The following ACAD11 variants were observed in gnomAD, a reference collection of about 807,000 sequenced individuals.
ACAD11 encodes acyl-CoA dehydrogenase family member 11, also known as acyl-Coenzyme A dehydrogenase family, member 11.
In ACAD11, 83 loss-of-function variants were observed where a neutral mutation model predicts 102.2. The ratio of observed to expected loss-of-function variants is 0.81; its 90% confidence interval spans 0.68 to 0.97. The LOEUF is 0.97. Ranked by LOEUF, ACAD11 falls within the 50% of genes least tolerant of loss-of-function variation. The pLI is 0.00. For missense variants in ACAD11, 901 were observed against 951.7 expected (o/e 0.95, Z 0.70); for synonymous variants, 324 against 319.8 (o/e 1.01, Z -0.14).
chr3:132,611,149 A>G (rs1309138264), intron 11 of ACAD11, among the ~76,000 whole-genome samples: 1 of 152,184 alleles, frequency 6.6e-6, no homozygotes. Flanking sequence ...GAGATGCAGA[A>G]AAGGCTTTAG....
intron 12 of ACAD11, among the ~76,000 whole-genome samples, chr3:132,604,774 G>A (rs2107827246): frequency 6.6e-6 from 1 of 152,172 alleles, no homozygotes; most frequent in Non-Finnish European, 1.5e-5. Context: ...TCATACATAA[G>A]GGCAAAGAAG....
At chr3:132,628,535 C>T (rs1225738460) in intron 7 of ACAD11, 89 bp from the exon 8 acceptor site, 3 of 866,428 alleles carry the variant, frequency 3.5e-6, no homozygotes, top group Non-Finnish European at 5.4e-6. Flanking sequence ...TTATATGTGA[C>T]ATTATACTCA....
rs78134968 is a variant in ACAD11, at chr3:132,561,129, G to T, written c.2090C>A (p.Thr697Asn). The T allele has an allele frequency of 1.9e-6, 3 of 1,613,426 alleles. No homozygotes were observed. Among genetic ancestry groups the T allele is most frequent in the Middle Eastern group, 1.7e-4 (1 of 6,044 alleles). ...LTLKAAHSMDTLGSAGAKKEI... is the reference protein window; with the variant it reads ...LTLKAAHSMDNLGSAGAKKEI... ...TTTCTTAGCGCCAGCACTGCCCAGAGTGTCCATGCTGTGAGCAGCTTTCAG... is the reference window on the plus strand; with the variant it reads ...TTTCTTAGCGCCAGCACTGCCCAGATTGTCCATGCTGTGAGCAGCTTTCAG... Residue 697 changes from threonine to asparagine, a missense_variant, in exon 18 of 20, where the codon ACT becomes AAT. By Grantham distance (65) the Thr-to-Asn change is moderately conservative. Transcript: ENST00000264990.
intron 13 of ACAD11, among the ~76,000 whole-genome samples, chr3:132,588,789 A>G (rs1937957507): frequency 6.6e-6 from 1 of 152,112 alleles, no homozygotes; most frequent in Non-Finnish European, 1.5e-5. Context: ...CTTCACAGTA[A>G]CTCTATTTGG....
chr3:132,607,795 A>G (rs1938914635), intron 11 of ACAD11, among the ~76,000 whole-genome samples: 1 of 152,190 alleles, frequency 6.6e-6, no homozygotes, highest in African/African-American at 2.4e-5. Flanking sequence ...ATACTCCTCA[A>G]GAAGAGCAAC....
chr3:132,659,278 A>G (rs1406275577), intron 1 of ACAD11, among the ~76,000 whole-genome samples: 1 of 152,256 alleles, frequency 6.6e-6, no homozygotes, highest in East Asian at 1.9e-4. Context: ...GCTGTATCAC[A>G]AAAGAAGGCA....
chr3:132,656,849 G>T (rs899645957), intron 1 of ACAD11, among the ~76,000 whole-genome samples: 78 of 143,996 alleles, frequency 5.4e-4, no homozygotes, highest in Non-Finnish European at 9.8e-4. Flanking sequence ...TCATTGTGTT[G>T]TTTTTTTTTT....
chr3:132,649,656 C>T (rs1940857443), intron 1 of ACAD11: 1 of 152,192 alleles, frequency 6.6e-6, no homozygotes, highest in South Asian at 2.1e-4. Context: ...GGTGAAGGTC[C>T]TCCGTATGCT....
chr3:132,588,189 G>A (rs1036527084), intron 13 of ACAD11, among the ~76,000 whole-genome samples: 7 of 149,182 alleles, frequency 4.7e-5, no homozygotes, highest in Non-Finnish European at 1.0e-4. Flanking sequence ...TTTCAGGCAG[G>A]CAGGTATGTA....
rs184162128 is a variant in ACAD11 at position 132,627,981 on chromosome 3, G to T, written c.1070+359C>A. ...ATATAACTTCATGAAATGTAACAGT[G>T]GAAAAGAACAATATTTCTAAATTAA... On this transcript the variant is annotated intron_variant, in intron 8 of 19. Coordinates refer to ENST00000264990, the MANE Select transcript of ACAD11 (RefSeq NM_032169.5). 1.4e-3 allele frequency among the ~76,000 whole-genome samples: 220 copies of T among 152,104 alleles called. 2 individuals are homozygous for T. The highest frequency in any genetic ancestry group is 4.6e-3 in the African/African-American group (193 of 41,508).
At chr3:132,595,970 T>C (rs562257515) in intron 13 of ACAD11, among the ~76,000 whole-genome samples, 2 of 152,242 alleles carry the variant, frequency 1.3e-5, no homozygotes, top group East Asian at 3.9e-4. Flanking sequence ...TAAAGACACA[T>C]GCATGCATAT....
rs1224972845 is a variant in ACAD11 at position 132,603,172 on chromosome 3, T to C, written c.1621+57A>G. The C allele has an allele frequency of 3.8e-6, 5 of 1,324,084 alleles. No homozygotes were observed. The African/African-American group carries it at 5.8e-5, about 15-fold the overall frequency. 82.0% of individuals were successfully genotyped at this position (1,324,084 alleles called of 1,614,324 possible). A position where few individuals can be genotyped will look rare whatever the true frequency, so the allele number is the denominator to read the frequency against. ...TATGTATCATAGCAATATTCTAGCA[T>C]AGCATCTGGAACAAAGGATCAGTGT... On this transcript the variant is annotated intron_variant, in intron 13 of 19. Transcript: ENST00000264990.
chr3:132,611,847 CT>C (rs1939167727), intron 11 of ACAD11, among the ~76,000 whole-genome samples: 1 of 152,088 alleles, frequency 6.6e-6, no homozygotes, highest in Non-Finnish European at 1.5e-5. Flanking sequence ...CTACCAATGA[CT>C]TTCTTCACAG....
Position 132,558,928 on chromosome 3 carries a change from AAAG to A in ACAD11, c.*40_*42del, listed in dbSNP as rs759205396. On this transcript the variant is annotated 3_prime_UTR_variant, in exon 20 of 20. Coordinates refer to ENST00000264990, the MANE Select transcript of ACAD11 (RefSeq NM_032169.5). Reference sequence around the variant, plus strand: ...ATGTTGGAGCCAATGAAGTTTGTATAAAGGAGAGTTTCTGCCAGTGGGATGTGG... The same window carrying A: ...ATGTTGGAGCCAATGAAGTTTGTATAGAGAGTTTCTGCCAGTGGGATGTGG... 4.2e-6 allele frequency: 6 copies of A among 1,438,474 alleles called. No homozygotes were observed. The South Asian group carries it at 7.1e-5, about 17-fold the overall frequency. 89.1% of individuals were successfully genotyped at this position (1,438,474 alleles called of 1,614,324 possible).
chr3:132,629,024 C>CT (rs1382451509), intron 7 of ACAD11, among the ~76,000 whole-genome samples: 1 of 152,094 alleles, frequency 6.6e-6, no homozygotes, highest in East Asian at 1.9e-4. Flanking sequence ...TATATAATTC[C>CT]TTATATAATA....
chr3:132,605,497 A>G (rs1188884222), intron 11 of ACAD11, among the ~76,000 whole-genome samples: 5 of 152,220 alleles, frequency 3.3e-5, no homozygotes, highest in African/African-American at 1.2e-4. Flanking sequence ...AACTGAAGGA[A>G]AAAATTTACT....
intron 13 of ACAD11, among the ~76,000 whole-genome samples, chr3:132,597,941 G>A (rs973627519): frequency 2.0e-5 from 3 of 152,098 alleles, no homozygotes; most frequent in Admixed American, 6.6e-5. Flanking sequence ...GATAAAAAGA[G>A]TCATTTAAAA....
intron 9 of ACAD11, among the ~76,000 whole-genome samples, chr3:132,626,343 T>G (rs1939808453): frequency 6.6e-6 from 1 of 152,086 alleles, no homozygotes; most frequent in African/African-American, 2.4e-5. Context: ...TGTGTCCATC[T>G]TGTATAGTCT....
chr3:132,616,710 A>C (rs1353495960), intron 11 of ACAD11, among the ~76,000 whole-genome samples: 1 of 152,210 alleles, frequency 6.6e-6, no homozygotes, highest in African/African-American at 2.4e-5. Flanking sequence ...AAGACTACCC[A>C]TTCAGTTCCC....
Sources: gnomAD v4.1 joint callset for allele counts (sites outside exome capture counted in the v4.1 genomes callset) on GRCh38, gnomAD v4.1.1 for gene constraint, MANE v1.5 for transcripts, NCBI Gene and HGNC (gene_info 2026-07-23, HGNC 2026-07-21) for gene names.